The following PACRG variants were observed in gnomAD, a reference collection of about 807,000 sequenced individuals.
PACRG encodes parkin coregulated gene protein.
In PACRG, 29 loss-of-function variants were observed where a neutral mutation model predicts 29.7. The ratio of observed to expected loss-of-function variants is 0.98; its 90% CI spans 0.73 to 1.33. The LOEUF (loss-of-function observed/expected upper bound fraction) is 1.33, where lower values mean the gene tolerates loss of function less well. Among genes scored for constraint, PACRG ranks in the 40% most tolerant of loss-of-function variants. The pLI, the probability that PACRG is intolerant of heterozygous loss-of-function variation, is 0.00. For missense variants in PACRG, 279 were observed against 316.2 expected, an observed-to-expected ratio of 0.88 and a Z score of 0.89; for synonymous variants, 116 against 118.7, an observed-to-expected ratio of 0.98 and a Z score of 0.15.
chr6:163,085,426 C>T (rs1209976588), intron 3 of PACRG, among the ~76,000 whole-genome samples: 9 of 152,142 alleles, frequency 5.9e-5, no homozygotes, highest in Admixed American at 5.9e-4. Context: ...AGGTGGGACC[C>T]AGGGATTCTT....
chr6:162,810,841 G>T (rs890521238), intron 1 of PACRG, among the ~76,000 whole-genome samples: 1 of 152,082 alleles, frequency 6.6e-6, no homozygotes, highest in Non-Finnish European at 1.5e-5. Flanking sequence ...AGTCTACAAG[G>T]AAAGGAAAAA....
intron 4 of PACRG, among the ~76,000 whole-genome samples, chr6:163,141,227 C>G (rs1817138676): frequency 1.3e-5 from 2 of 151,806 alleles, no homozygotes; most frequent in Non-Finnish European, 2.9e-5. Context: ...AGATATCACC[C>G]AAGAGGGAAG....
At position 162,763,478 on chromosome 6, in the gene PACRG, T is replaced by C. The variant is rs1028355968; in HGVS notation, c.156+35087T>C. ...AATGATAAAAGAAAGTGCTTAAGAA[T>C]TATGAATGTCAAGGACTATTTCCTA... is the stretch of plus-strand genomic sequence containing the variant. On this transcript the variant is annotated intron_variant, in intron 1 of 4. Transcript: ENST00000366888. Among the ~76,000 whole-genome samples the C allele has an allele frequency of 3.9e-5, 6 of 152,348 alleles. No individual in the cohort carries two copies. In the East Asian group the frequency reaches 1.2e-3, roughly 29 times the overall value.
intron 4 of PACRG, among the ~76,000 whole-genome samples, chr6:163,270,692 C>G (rs1054881562): frequency 1.3e-5 from 2 of 151,882 alleles, no homozygotes; most frequent in Admixed American, 1.3e-4. Context: ...TTTTTTAAAG[C>G]CCAAATACAA....
chr6:163,080,043 T>G (rs2209103), intron 3 of PACRG, among the ~76,000 whole-genome samples: 13 of 151,562 alleles, frequency 8.6e-5, no homozygotes, highest in African/African-American at 3.2e-4. Flanking sequence ...AAACTACAGG[T>G]GCCCGCCACC....
chr6:163,004,575 T>C (rs1804868001), intron 2 of PACRG, among the ~76,000 whole-genome samples: 3 of 151,854 alleles, frequency 2.0e-5, no homozygotes, highest in Admixed American at 2.0e-4. Context: ...ACCCCCATGA[T>C]TCAGTTACCC....
chr6:162,792,958 T>C (rs556915322), intron 1 of PACRG, among the ~76,000 whole-genome samples: 1 of 152,238 alleles, frequency 6.6e-6, no homozygotes, highest in East Asian at 1.9e-4. Flanking sequence ...TGGAGAGTGC[T>C]GAGGTATTGG....
At chr6:163,018,992 G>A (rs1055560470) in intron 2 of PACRG, among the ~76,000 whole-genome samples, 9 of 151,776 alleles carry the variant, frequency 5.9e-5, no homozygotes, top group African/African-American at 2.2e-4. Context: ...TTCCAATTTA[G>A]GCATCATTTC....
intron 1 of PACRG, among the ~76,000 whole-genome samples, chr6:162,788,691 A>G (rs1160717647): frequency 6.6e-6 from 1 of 152,068 alleles, no homozygotes; most frequent in African/African-American, 2.4e-5. Flanking sequence ...TAGTGTTCTG[A>G]ATTTTGGCTA....
chr6:162,799,103 C>T (rs577010240), intron 1 of PACRG, among the ~76,000 whole-genome samples: 44 of 152,160 alleles, frequency 2.9e-4, no homozygotes, highest in Non-Finnish European at 5.6e-4. Flanking sequence ...GGAGAGTGGT[C>T]AGGAGTTCAA....
rs557954037 is a variant in PACRG, at chr6:162,778,116, G to C, written c.157-36031G>C. Among the ~76,000 whole-genome samples, 5 of 152,312 alleles carry C rather than the reference G, an allele frequency of 3.3e-5. No homozygotes were observed. In the South Asian group the frequency reaches 1.0e-3, roughly 32 times the overall value. On this transcript the variant is annotated intron_variant, in intron 1 of 4. Coordinates refer to ENST00000366888, the MANE Select transcript of PACRG (RefSeq NM_001080379.2). Reference sequence around the variant, plus strand: ...TTGCCATATGAATGAAGGTTTTTCGGTGTTTTGGGGGGAGGAAACAGGTGT... The same window carrying C: ...TTGCCATATGAATGAAGGTTTTTCGCTGTTTTGGGGGGAGGAAACAGGTGT...
intron 4 of PACRG, among the ~76,000 whole-genome samples, chr6:163,097,611 C>T (rs1224715760): frequency 6.6e-6 from 1 of 152,154 alleles, no homozygotes; most frequent in Admixed American, 6.5e-5. Flanking sequence ...TTTAGGGAGA[C>T]ATAAGACATC....
chr6:162,981,927 TGA>T (rs1802470007), intron 2 of PACRG, among the ~76,000 whole-genome samples: 1 of 150,240 alleles, frequency 6.7e-6, no homozygotes. Flanking sequence ...TTTTTTTGGT[TGA>T]CAAATTTTTT....
At chr6:162,919,154 C>T (rs761113843) in intron 2 of PACRG, among the ~76,000 whole-genome samples, 4 of 152,128 alleles carry the variant, frequency 2.6e-5, no homozygotes, top group Non-Finnish European at 4.4e-5. Flanking sequence ...TAGCAGTTTA[C>T]GAGGCATATT....
In PACRG at chr6:162,777,606, A is replaced by C. The variant is rs1783750304; in HGVS notation, c.157-36541A>C. 6.6e-6 allele frequency among the ~76,000 whole-genome samples: 1 copy of C among 152,034 alleles called. No individual in the cohort carries two copies. The highest frequency in any genetic ancestry group is 2.4e-5 in the African/African-American group (1 of 41,384). On this transcript the variant is annotated intron_variant, in intron 1 of 4. Coordinates refer to ENST00000366888, the MANE Select transcript of PACRG (RefSeq NM_001080379.2). The surrounding 1 kb of genome is among the most constrained non-coding windows in gnomAD (Gnocchi z 4.0). The stretch of plus-strand genomic sequence containing the variant: ...CCTCCTATCCTCAAGTTCTAGGTAA[A>C]ATTGCCAAAGTAGACTCCTTTGAGT...
chr6:163,218,759 G>T (rs183721870), intron 4 of PACRG, among the ~76,000 whole-genome samples: 244 of 152,258 alleles, frequency 1.6e-3, no homozygotes, highest in Non-Finnish European at 3.2e-3. Flanking sequence ...TCCCTCTGCC[G>T]CAGGGGCAGG....
intron 2 of PACRG, among the ~76,000 whole-genome samples, chr6:162,969,377 CTGCTACCCCATCATCTCTTCTGTCCAT>C (rs1285445040): frequency 1.3e-5 from 2 of 152,182 alleles, no homozygotes; most frequent in South Asian, 2.1e-4. Context: ...CTCCTGTCCA[CTGCTACCCCATCATCTCTTCTGTCCAT>C]TGCTACCCCA....
chr6:162,922,552 C>T (rs987805600), intron 2 of PACRG, among the ~76,000 whole-genome samples: 13 of 151,938 alleles, frequency 8.6e-5, no homozygotes, highest in Non-Finnish European at 2.9e-5. Context: ...TAAGCAGCCC[C>T]TCCTTATTTC....
At chr6:163,204,255 T>C (rs1172124085) in intron 4 of PACRG, among the ~76,000 whole-genome samples, 1 of 152,216 alleles carries the variant, frequency 6.6e-6, no homozygotes, top group African/African-American at 2.4e-5. Flanking sequence ...AATTTTCCTC[T>C]AGAAGTATTT....
Sources: gnomAD v4.1 joint callset for allele counts (sites outside exome capture counted in the v4.1 genomes callset) on GRCh38, gnomAD v4.1.1 for gene constraint, Gnocchi (gnomAD v3.1) non-coding constraint, MANE v1.5 for transcripts, NCBI Gene and HGNC (gene_info 2026-07-23, HGNC 2026-07-21) for gene names.